GALNTL6: variants seen among roughly 807,000 people sequenced by gnomAD.
GALNTL6 encodes the protein polypeptide N-acetylgalactosaminyltransferase like 6, also known as polypeptide N-acetylgalactosaminyltransferase-like 6.
Under a neutral mutation model 73.7 loss-of-function variants are expected in GALNTL6, and 46 were observed. The observed-to-expected ratio is 0.62, with a 90% CI of 0.49 to 0.80. The LOEUF is 0.80. Ranked by LOEUF, GALNTL6 falls within the 30% of genes least tolerant of loss-of-function variation. The probability of loss-of-function intolerance (pLI) is 0.00; values close to 1 mark genes in which losing one functional copy is unlikely to be tolerated. For synonymous variants in GALNTL6, 259 were observed against 263.7 expected (o/e 0.98, Z 0.17); for missense variants, 604 against 755.0 (o/e 0.80, Z 2.34).
intron 2 of GALNTL6, among the ~76,000 whole-genome samples, chr4:172,139,329 T>C (rs1560938736): frequency 6.6e-6 from 1 of 152,158 alleles, no homozygotes; most frequent in Non-Finnish European, 1.5e-5. Context: ...AATTGATTGA[T>C]CAAAAATAAA....
intron 2 of GALNTL6, among the ~76,000 whole-genome samples, chr4:172,204,269 T>C (rs1051302506): frequency 7.2e-5 from 11 of 152,306 alleles, no homozygotes; most frequent in African/African-American, 2.6e-4. Flanking sequence ...TTTTTAAAAC[T>C]GCGTCAATGT....
At chr4:172,073,011 C>T (rs1203372399) in intron 2 of GALNTL6, among the ~76,000 whole-genome samples, 1 of 152,170 alleles carries the variant, frequency 6.6e-6, no homozygotes, top group Non-Finnish European at 1.5e-5. Context: ...CGATTCTCCT[C>T]TCTCCGTTTT....
At chr4:172,440,037 T>G (rs899755575) in intron 5 of GALNTL6, among the ~76,000 whole-genome samples, 3 of 152,074 alleles carry the variant, frequency 2.0e-5, no homozygotes, top group African/African-American at 7.2e-5. Flanking sequence ...ACAGGAACTC[T>G]CATTCATTGC....
At chr4:172,037,245 T>A (rs2110832324) in intron 2 of GALNTL6, among the ~76,000 whole-genome samples, 1 of 152,256 alleles carries the variant, frequency 6.6e-6, no homozygotes, top group East Asian at 1.9e-4. Context: ...CATGGGTTGT[T>A]TAGGATAATT....
intron 10 of GALNTL6, among the ~76,000 whole-genome samples, chr4:172,982,016 A>G (rs1379364604): frequency 1.3e-5 from 2 of 152,010 alleles, no homozygotes; most frequent in East Asian, 3.9e-4. Context: ...ACTGGTCTTG[A>G]ACTCCTGACC....
intron 5 of GALNTL6, among the ~76,000 whole-genome samples, chr4:172,468,262 A>G (rs1365730558): frequency 6.6e-6 from 1 of 152,138 alleles, no homozygotes; most frequent in Non-Finnish European, 1.5e-5. Flanking sequence ...TTATTGAATC[A>G]TTTTTTAAAA....
chr4:171,962,956 C>T (rs945910257), intron 2 of GALNTL6, among the ~76,000 whole-genome samples: 3 of 151,336 alleles, frequency 2.0e-5, no homozygotes, highest in African/African-American at 4.9e-5. Context: ...TTAATAGAGA[C>T]GGGGTTTCAC....
rs1464480977 is a variant in GALNTL6 at position 172,878,333 on chromosome 4, T to C, written c.924-4457T>C. Reference sequence around the variant, plus strand: ...CAACAGAATAGAGAAATGGTGTTCATAATATAATTTCATCTATATAAAACG... The same window carrying C: ...CAACAGAATAGAGAAATGGTGTTCACAATATAATTTCATCTATATAAAACG... On this transcript the variant is annotated intron_variant, in intron 7 of 12. Transcript: ENST00000506823. 3.9e-5 allele frequency among the ~76,000 whole-genome samples: 6 copies of C among 151,966 alleles called. No individual in the cohort carries two copies. In the East Asian group the frequency reaches 1.2e-3, roughly 29 times the overall value.
intron 2 of GALNTL6, among the ~76,000 whole-genome samples, chr4:172,168,574 T>C (rs1360065221): frequency 1.3e-5 from 2 of 151,998 alleles, no homozygotes; most frequent in East Asian, 1.9e-4. Context: ...GTGATGGTGA[T>C]ATGGTAATGA....
chr4:172,285,871 G>A (rs924969152), intron 3 of GALNTL6, among the ~76,000 whole-genome samples: 2 of 152,144 alleles, frequency 1.3e-5, no homozygotes, highest in Non-Finnish European at 2.9e-5. Context: ...AAGACATCCG[G>A]CAGACATTGC....
At chr4:171,943,657 A>G (rs1738618058) in intron 2 of GALNTL6, among the ~76,000 whole-genome samples, 1 of 152,150 alleles carries the variant, frequency 6.6e-6, no homozygotes, top group Admixed American at 6.6e-5. Flanking sequence ...ACTTGATTTC[A>G]TCTGAATCCC....
chr4:172,195,774 G>T (rs535361253), intron 2 of GALNTL6, among the ~76,000 whole-genome samples: 1 of 152,260 alleles, frequency 6.6e-6, no homozygotes, highest in Non-Finnish European at 1.5e-5. Context: ...GAATCTCTGA[G>T]ATGCAGCTAA....
intron 5 of GALNTL6, among the ~76,000 whole-genome samples, chr4:172,805,299 T>C (rs992183209): frequency 1.3e-5 from 2 of 152,180 alleles, no homozygotes; most frequent in Admixed American, 6.5e-5. Flanking sequence ...ATTCTCCATA[T>C]AAATTTATGG....
At chr4:172,824,319 T>G (rs943451464) in intron 7 of GALNTL6, among the ~76,000 whole-genome samples, 11 of 151,644 alleles carry the variant, frequency 7.3e-5, no homozygotes, top group African/African-American at 2.7e-4. Flanking sequence ...AGAACAGAGT[T>G]GGCCACAAGG....
chr4:172,543,715 T>C (rs911240943), intron 5 of GALNTL6, among the ~76,000 whole-genome samples: 1 of 152,210 alleles, frequency 6.6e-6, no homozygotes, highest in African/African-American at 2.4e-5. Context: ...GTGAACTGTT[T>C]TTCATCTGCA....
At chr4:172,922,635 C>A (rs981504896) in intron 8 of GALNTL6, among the ~76,000 whole-genome samples, 1 of 152,126 alleles carries the variant, frequency 6.6e-6, no homozygotes, top group Non-Finnish European at 1.5e-5. Flanking sequence ...TTGTGTGAAG[C>A]AACACTAAAT....
At chr4:172,311,573 T>C (rs750319272) in intron 3 of GALNTL6, 41 bp from the exon 4 acceptor site, 1 of 1,560,762 alleles carries the variant, frequency 6.4e-7, no homozygotes, top group South Asian at 1.2e-5. Flanking sequence ...ATAAAATGGC[T>C]TTTATAGAGA....
At chr4:172,168,722 C>T (rs757044761) in intron 2 of GALNTL6, among the ~76,000 whole-genome samples, 21 of 151,944 alleles carry the variant, frequency 1.4e-4, no homozygotes, top group African/African-American at 2.7e-4. Context: ...GTGATGGTGA[C>T]GGTCAAGAAG....
chr4:172,735,593 A>G (rs1363199566), intron 5 of GALNTL6, among the ~76,000 whole-genome samples: 1 of 152,152 alleles, frequency 6.6e-6, no homozygotes, highest in African/African-American at 2.4e-5. Flanking sequence ...TTAGGAAGGC[A>G]TGATTGGTTT....
Sources: allele counts gnomAD v4.1 joint callset (sites outside exome capture counted in the v4.1 genomes callset), GRCh38; gene constraint gnomAD v4.1.1; transcripts MANE v1.5; gene names NCBI Gene and HGNC (gene_info 2026-07-23, HGNC 2026-07-21).